Variants in CFAP47 observed in about 807,000 individuals in gnomAD.
The protein encoded by CFAP47 is cilia- and flagella-associated protein 47.
A neutral mutation model predicts 148.1 loss-of-function variants in CFAP47; 29 were observed. That is an observed-to-expected ratio of 0.20 (90% CI 0.15 to 0.27). The LOEUF (loss-of-function observed/expected upper bound fraction) is 0.27, where lower values mean the gene tolerates loss of function less well. Ranked by LOEUF, CFAP47 falls within the 10% of genes least tolerant of loss-of-function variation. The pLI, the probability that CFAP47 is intolerant of heterozygous loss-of-function variation, is 1.00. For synonymous variants in CFAP47, 664 were observed against 577.3 expected, an observed-to-expected ratio of 1.15 and a Z score of -2.15; for missense variants, 1,872 against 1,697.5, an observed-to-expected ratio of 1.10 and a Z score of -1.81.
intron 48 of CFAP47, among the ~76,000 whole-genome samples, chrX:36,241,932 T>C (rs1383641498): frequency 4.5e-5 from 5 of 110,740 alleles, no homozygotes; most frequent in African/African-American, 1.3e-4. Context: ...CTGGTGAGAG[T>C]GTCATCTCTT....
At chrX:36,069,564 A>G (rs1937708457) in intron 27 of CFAP47, among the ~76,000 whole-genome samples, 1 of 111,886 alleles carries the variant, frequency 8.9e-6, no homozygotes, top group African/African-American at 3.2e-5. Context: ...TTAGAAATAT[A>G]TATAGTGATA....
chrX:36,134,952 T>C (rs1203081859), intron 33 of CFAP47, among the ~76,000 whole-genome samples: 2 of 111,126 alleles, frequency 1.8e-5, no homozygotes, highest in Non-Finnish European at 3.8e-5. Context: ...GATAGAAAGA[T>C]AGAAAAAAGA....
At chrX:36,258,992 G>A (rs1219733418) in intron 49 of CFAP47, among the ~76,000 whole-genome samples, 1 of 110,800 alleles carries the variant, frequency 9.0e-6, no homozygotes, top group Non-Finnish European at 1.9e-5. Context: ...TAACCTCCCT[G>A]AATGTCGGGT....
At chrX:36,135,603 G>A (rs1939030661) in intron 33 of CFAP47, among the ~76,000 whole-genome samples, 1 of 112,083 alleles carries the variant, frequency 8.9e-6, no homozygotes, top group African/African-American at 3.2e-5. Flanking sequence ...TGGTAAAGGT[G>A]AAGTTATTGA....
At chrX:36,215,347 C>T (rs1185922269) in intron 45 of CFAP47, among the ~76,000 whole-genome samples, 1 of 111,552 alleles carries the variant, frequency 9.0e-6, no homozygotes, top group East Asian at 2.8e-4. Flanking sequence ...CTCCATGGCC[C>T]TAGCATTTAA....
At chrX:36,313,574 T>A (rs1225603093) in intron 56 of CFAP47, among the ~76,000 whole-genome samples, 1 of 111,403 alleles carries the variant, frequency 9.0e-6, no homozygotes, top group African/African-American at 3.3e-5. Context: ...TTTGGAAATG[T>A]CTTTAGATTA....
chrX:36,022,824 G>T (rs773516876), intron 22 of CFAP47, among the ~76,000 whole-genome samples: 1 of 111,010 alleles, frequency 9.0e-6, no homozygotes, highest in Non-Finnish European at 1.9e-5. Flanking sequence ...AATTATTTCC[G>T]TCTCTTTGTT....
chrX:36,295,665 T>A lies in CFAP47; in HGVS notation c.7687-3312T>A, dbSNP rs782068217. 4.5e-5 allele frequency among the ~76,000 whole-genome samples: 5 copies of A among 111,926 alleles called. No homozygotes were observed. The East Asian group carries it at 1.1e-3, about 25-fold the overall frequency. On this transcript the variant is annotated intron_variant, in intron 51 of 63. Coordinates refer to ENST00000378653, the MANE Select transcript of CFAP47 (RefSeq NM_001304548.2). ...ATCAAATACTTTAAAAATGTAATTT[T>A]ACAACCTTAAGAAATATTGATATTT... is the stretch of plus-strand genomic sequence containing the variant.
In CFAP47 at chrX:36,149,236, T is replaced by G. The variant is rs776208383; in HGVS notation, c.5786+13T>G. On this transcript the variant is annotated intron_variant, in intron 37 of 63. Transcript: ENST00000378653. ...CAATTTCTCCAAGGTAAGTATTTTTTTTAATTTTACATTATCAGACATATC... is the reference window on the plus strand; with the variant it reads ...CAATTTCTCCAAGGTAAGTATTTTTGTTAATTTTACATTATCAGACATATC... 3.4e-6 allele frequency: 1 copy of G among 290,631 alleles called. No homozygotes were observed. Among genetic ancestry groups the G allele is most frequent in the African/African-American group, 2.8e-5 (1 of 35,951 alleles). 24.0% of individuals were successfully genotyped at this position (290,631 alleles called of 1,213,427 possible). A position where few individuals can be genotyped will look rare whatever the true frequency, so the allele number is the denominator to read the frequency against.
At chrX:36,003,840 A>G (rs1288826197) in intron 21 of CFAP47, among the ~76,000 whole-genome samples, 1 of 110,719 alleles carries the variant, frequency 9.0e-6, no homozygotes, top group Admixed American at 9.7e-5. Context: ...CTGTTTTCAG[A>G]CGACATGATT....
intron 49 of CFAP47, among the ~76,000 whole-genome samples, chrX:36,261,320 CTTTTTTTTTT>C (rs143068749): frequency 4.9e-5 from 1 of 20,469 alleles, no homozygotes; most frequent in African/African-American, 2.5e-4. Context: ...AGATACTATT[CTTTTTTTTTT>C]TTTTTTTTTT....
At position 35,928,122 on chromosome X, in the gene CFAP47, A is replaced by G. The variant is rs1935773932; in HGVS notation, c.401+1954A>G. ...TAAGCTGCTTTAATATTCCTGTACA[A>G]GTATTGTCTGAGCATAAGTTTTTAT... On this transcript the variant is annotated intron_variant, in intron 2 of 63. Transcript: ENST00000378653. Among the ~76,000 whole-genome samples the G allele has an allele frequency of 4.6e-5, 5 of 109,403 alleles. No individual in the cohort carries two copies. In the South Asian group the frequency reaches 1.9e-3, roughly 42 times the overall value.
chrX:35,943,339 C>G (rs764998134), intron 3 of CFAP47, among the ~76,000 whole-genome samples: 282 of 111,410 alleles, frequency 2.5e-3, no homozygotes, highest in African/African-American at 8.7e-3. Flanking sequence ...ATATTTAAAA[C>G]TCAACACTTG....
intron 33 of CFAP47, among the ~76,000 whole-genome samples, chrX:36,134,048 A>G (rs897243448): frequency 5.2e-4 from 58 of 110,831 alleles, no homozygotes; most frequent in African/African-American, 1.9e-3. Flanking sequence ...ATAAAAATAT[A>G]CCATTTAACA....
chrX:36,236,411 A>C (rs1273014643), intron 47 of CFAP47, among the ~76,000 whole-genome samples: 1 of 112,201 alleles, frequency 8.9e-6, no homozygotes. Context: ...TATTTCTTTT[A>C]CATGGAAGTA....
intron 26 of CFAP47, among the ~76,000 whole-genome samples, chrX:36,053,741 T>C (rs1293386140): frequency 1.8e-5 from 2 of 112,421 alleles, no homozygotes; most frequent in Non-Finnish European, 3.8e-5. Flanking sequence ...TACTGGTGTG[T>C]CATAATACAC....
intron 44 of CFAP47, among the ~76,000 whole-genome samples, chrX:36,202,440 C>T (rs1939991360): frequency 9.0e-6 from 1 of 111,578 alleles, no homozygotes; most frequent in Non-Finnish European, 1.9e-5. Flanking sequence ...GGAGTCCATT[C>T]TCTAAGGCCA....
intron 60 of CFAP47, among the ~76,000 whole-genome samples, 181 bp from the exon 61 acceptor site, chrX:36,361,149 A>T (rs1346761330): frequency 9.0e-6 from 1 of 111,407 alleles, no homozygotes; most frequent in Non-Finnish European, 1.9e-5. Flanking sequence ...TGTTAACAAA[A>T]ATATACTGAG....
intron 40 of CFAP47, among the ~76,000 whole-genome samples, chrX:36,183,371 G>A (rs777654511): frequency 9.0e-6 from 1 of 111,351 alleles, no homozygotes; most frequent in East Asian, 2.8e-4. Flanking sequence ...ATCCCTGAGT[G>A]TACCCTCCAC....
Sources: allele counts gnomAD v4.1 joint callset (sites outside exome capture counted in the v4.1 genomes callset), GRCh38; gene constraint gnomAD v4.1.1; transcripts MANE v1.5; gene names NCBI Gene and HGNC (gene_info 2026-07-23, HGNC 2026-07-21).